The following CFAP57 variants were observed in gnomAD, a reference collection of about 807,000 sequenced individuals.
CFAP57 encodes the protein cilia- and flagella-associated protein 57.
A neutral mutation model predicts 146.8 loss-of-function variants in CFAP57; 116 were observed. The observed-to-expected ratio is 0.79, with a 90% CI of 0.68 to 0.92. The LOEUF is 0.92. Ranked by LOEUF, CFAP57 falls within the 40% of genes least tolerant of loss-of-function variation. CFAP57 has a pLI of 0.00. For missense variants in CFAP57, 1,377 were observed against 1,527.2 expected (o/e 0.90, Z 1.64); for synonymous variants, 518 against 552.8 (o/e 0.94, Z 0.88).
At chr1:43,249,834 C>T (rs1646273155) in intron 22 of CFAP57, among the ~76,000 whole-genome samples, 1 of 152,000 alleles carries the variant, frequency 6.6e-6, no homozygotes, top group Non-Finnish European at 1.5e-5. Flanking sequence ...GCCAATAACT[C>T]AGAAGATTCA....
intron 18 of CFAP57, among the ~76,000 whole-genome samples, chr1:43,228,221 G>A (rs1645330387): frequency 6.6e-6 from 1 of 152,176 alleles, no homozygotes; most frequent in African/African-American, 2.4e-5. Context: ...CCCTGCTCCA[G>A]CCCACTGACT....
At chr1:43,181,871 T>C in intron 3 of CFAP57, 21 bp downstream of exon 3, 1 of 1,612,300 alleles carries the variant, frequency 6.2e-7, no homozygotes, top group Non-Finnish European at 8.5e-7. Flanking sequence ...GTGTGACAAG[T>C]ATCGTGAAAA....
intron 6 of CFAP57, among the ~76,000 whole-genome samples, chr1:43,191,263 T>A (rs1643502360): frequency 6.6e-6 from 1 of 152,162 alleles, no homozygotes; most frequent in African/African-American, 2.4e-5. Context: ...TCCTTTATGA[T>A]CCTTTTTATT....
chr1:43,232,544 A>G lies in CFAP57; in HGVS notation c.3046A>G (p.Thr1016Ala). Reference sequence around the variant, plus strand: ...ACTGGAGAATTTCCATAAGCAGAACACTCAACTGGAGCTGAACATCACAGA... The same window carrying G: ...ACTGGAGAATTTCCATAAGCAGAACGCTCAACTGGAGCTGAACATCACAGA... Reference protein sequence around the residue: ...AELENFHKQNTQLELNITELW... With the variant: ...AELENFHKQNAQLELNITELW... The change falls in exon 19 of 23, where the codon ACT becomes GCT. Residue 1016 changes from threonine (T) to alanine (A), a missense_variant. Thr to Ala is a moderately conservative substitution (Grantham distance 58). Coordinates refer to ENST00000372492, the MANE Select transcript of CFAP57 (RefSeq NM_001378189.1). The G allele has an allele frequency of 6.5e-7, 1 of 1,550,272 alleles. No homozygotes were observed. The highest frequency in any genetic ancestry group is 8.7e-7 in the Non-Finnish European group (1 of 1,146,744).
intron 3 of CFAP57, among the ~76,000 whole-genome samples, chr1:43,183,167 T>G (rs1645488693): frequency 6.6e-6 from 1 of 152,120 alleles, no homozygotes; most frequent in Non-Finnish European, 1.5e-5. Flanking sequence ...AGGTGTACAT[T>G]GGGATAAGAG....
rs1341950086 is a variant in CFAP57, at chr1:43,184,741, T to C, written c.762-408T>C. ...ATCCCCCCATGCCAATGGCATATCC[T>C]TTTTTTTTTTTTTTTTTTTTTTTTT... On this transcript the variant is annotated intron_variant, in intron 4 of 22. Coordinates refer to ENST00000372492, the MANE Select transcript of CFAP57 (RefSeq NM_001378189.1). 4.5e-5 allele frequency: 3 copies of C among 66,894 alleles called. No individual in the cohort carries two copies. In the Admixed American group the frequency reaches 5.2e-4, roughly 12 times the overall value. The allele number at this position is 66,894 out of a possible 1,614,324, so 4.1% of individuals were successfully genotyped here. A position where few individuals can be genotyped will look rare whatever the true frequency, so the allele number is the denominator to read the frequency against.
intron 9 of CFAP57, among the ~76,000 whole-genome samples, chr1:43,205,495 ATGTG>A (rs968196051): frequency 6.6e-6 from 1 of 152,068 alleles, no homozygotes; most frequent in Non-Finnish European, 1.5e-5. Context: ...ATGCGTGTGT[ATGTG>A]TGTGTGCACG....
intron 11 of CFAP57, among the ~76,000 whole-genome samples, chr1:43,213,512 C>CG (rs202089688): frequency 1.7e-4 from 25 of 145,010 alleles, no homozygotes; most frequent in Middle Eastern, 3.5e-3. Flanking sequence ...ATGGGGGGGG[C>CG]GGTGGAGCGC....
rs560389141 is a variant in CFAP57, at chr1:43,173,016, T to C, written c.157+106T>C. 5.6e-5 allele frequency: 54 copies of C among 956,020 alleles called. No homozygotes were observed. The East Asian group carries it at 1.2e-3, about 22-fold the overall frequency. 59.2% of individuals were successfully genotyped at this position (956,020 alleles called of 1,614,324 possible). On this transcript the variant is annotated intron_variant, in intron 2 of 22. Transcript: ENST00000372492. ...AGAAAGATTTTGGCCAATTTGAATA[T>C]ATATGCAGTATTATAAATGTAGAGG...
At chr1:43,179,856 G>A (rs1645317780) in intron 2 of CFAP57, among the ~76,000 whole-genome samples, 1 of 151,828 alleles carries the variant, frequency 6.6e-6, no homozygotes. Context: ...TATTGTTTTC[G>A]AGGGCTCTAG....
At chr1:43,218,346 T>G (rs1423963639) in intron 12 of CFAP57, among the ~76,000 whole-genome samples, 1 of 152,202 alleles carries the variant, frequency 6.6e-6, no homozygotes, top group Non-Finnish European at 1.5e-5. Flanking sequence ...CAGTCTGTAA[T>G]CCCAGTACTT....
At position 43,234,650 on chromosome 1, in the gene CFAP57, C is replaced by A. The variant is rs1482048741; in HGVS notation, c.3405+12C>A. On this transcript the variant is annotated intron_variant, in intron 21 of 22. Transcript: ENST00000372492. Reference sequence around the variant, plus strand: ...TCCGCATCATGCAGGTACCTGCATGCTCCCCTCAGCCCCTGTGGAGGCCAA... The same window carrying A: ...TCCGCATCATGCAGGTACCTGCATGATCCCCTCAGCCCCTGTGGAGGCCAA... The A allele has an allele frequency of 1.3e-6, 2 of 1,540,414 alleles. No homozygotes were observed. The highest frequency in any genetic ancestry group is 1.8e-6 in the Non-Finnish European group (2 of 1,140,616).
At chr1:43,218,622 A>G (rs183578435) in intron 12 of CFAP57, among the ~76,000 whole-genome samples, 253 of 152,162 alleles carry the variant, frequency 1.7e-3, no homozygotes, top group African/African-American at 5.5e-3. Flanking sequence ...AAAAAGAGAA[A>G]AAAAGGAAGA....
chr1:43,226,967 C>G lies in CFAP57; in HGVS notation c.2866-16C>G, dbSNP rs1255284054. 2 of 1,489,312 alleles carry G rather than the reference C, an allele frequency of 1.3e-6. No individual in the cohort carries two copies. The highest frequency in any genetic ancestry group is 2.4e-5 in the Admixed American group (1 of 41,708). The allele number at this position is 1,489,312 out of a possible 1,614,324, so 92.3% of individuals were successfully genotyped here. ...GCCTTACAATATCTCTCACTTCTCT[C>G]TCATCTCACCCCCAGGAGAAGCGAA... On this transcript the variant is annotated splice_polypyrimidine_tract_variant and intron_variant, in intron 17 of 22. Coordinates refer to ENST00000372492, the MANE Select transcript of CFAP57 (RefSeq NM_001378189.1).
chr1:43,177,791 A>G (rs1015948121), intron 2 of CFAP57, among the ~76,000 whole-genome samples: 7 of 152,218 alleles, frequency 4.6e-5, no homozygotes, highest in Non-Finnish European at 8.8e-5. Flanking sequence ...TTGTGCTGCT[A>G]TGAGAATCTA....
chr1:43,254,308 T>G lies in CFAP57; in HGVS notation c.*117T>G. ...CTGCAGCACTGACCCCAGCAACCTC[T>G]TTCTCTTGCCCTGGGGAATTTGGGA... On this transcript the variant is annotated 3_prime_UTR_variant, in exon 23 of 23. Transcript: ENST00000372492. 1 of 880,364 alleles carries G rather than the reference T, an allele frequency of 1.1e-6. No homozygotes were observed. The highest frequency in any genetic ancestry group is 1.7e-6 in the Non-Finnish European group (1 of 584,908). The allele number at this position is 880,364 out of a possible 1,614,324, so 54.5% of individuals were successfully genotyped here.
chr1:43,182,701 CCAGGCCA>C (rs1645464408), intron 3 of CFAP57, among the ~76,000 whole-genome samples: 1 of 152,180 alleles, frequency 6.6e-6, no homozygotes, highest in Non-Finnish European at 1.5e-5. Context: ...GGTATTTCAA[CCAGGCCA>C]CAGTGAGGCC....
At chr1:43,190,544 A>C (rs985660310) in intron 6 of CFAP57, among the ~76,000 whole-genome samples, 1 of 152,126 alleles carries the variant, frequency 6.6e-6, no homozygotes, top group East Asian at 1.9e-4. Context: ...TGCTGGGATT[A>C]CAGGCGTGAG....
intron 11 of CFAP57, chr1:43,210,329 G>A (rs1469145801): frequency 1.4e-5 from 19 of 1,395,922 alleles, no homozygotes; most frequent in Non-Finnish European, 1.6e-5. Context: ...CACCCCAGGG[G>A]CAATACCATG....
Sources: gnomAD v4.1 joint callset for allele counts (sites outside exome capture counted in the v4.1 genomes callset) on GRCh38, gnomAD v4.1.1 for gene constraint, MANE v1.5 for transcripts, NCBI Gene and HGNC (gene_info 2026-07-23, HGNC 2026-07-21) for gene names.